ZKSCAN2: variants seen among roughly 807,000 people sequenced by gnomAD.
The protein encoded by ZKSCAN2 is zinc finger protein with KRAB and SCAN domains 2.
A neutral mutation model predicts 90.5 loss-of-function variants in ZKSCAN2; 38 were observed. The observed-to-expected ratio is 0.42, with a 90% CI of 0.32 to 0.55. The LOEUF (loss-of-function observed/expected upper bound fraction) is 0.55. Among genes scored for constraint, ZKSCAN2 ranks in the 20% least tolerant of loss-of-function variants. The probability of loss-of-function intolerance (pLI) is 0.11; values close to 1 mark genes in which losing one functional copy is unlikely to be tolerated. For missense variants in ZKSCAN2, 1,167 were observed against 1,202.6 expected (o/e 0.97, Z 0.44); for synonymous variants, 429 against 421.6 (o/e 1.02, Z -0.22).
At chr16:25,254,535 A>C (rs1963066716) in intron 2 of ZKSCAN2, among the ~76,000 whole-genome samples, 1 of 152,232 alleles carries the variant, frequency 6.6e-6, no homozygotes. Flanking sequence ...GTCAGCCAAG[A>C]GCACATACAC....
intron 2 of ZKSCAN2, among the ~76,000 whole-genome samples, chr16:25,254,163 T>C (rs1963061154): frequency 6.6e-6 from 1 of 152,250 alleles, no homozygotes; most frequent in African/African-American, 2.4e-5. Flanking sequence ...CCTCTGTGCA[T>C]TCATGCGTCT....
chr16:25,251,877 G>A, intron 4 of ZKSCAN2, 32 bp downstream of exon 4: 1 of 1,610,776 alleles, frequency 6.2e-7, no homozygotes, highest in South Asian at 1.1e-5. Flanking sequence ...AAAGCTCCAA[G>A]TCTTATATTT....
Position 25,247,079 on chromosome 16 carries a change from C to T in ZKSCAN2, c.1117G>A (p.Val373Met), listed in dbSNP as rs777968369. 1.9e-6 allele frequency: 3 copies of T among 1,614,122 alleles called. No homozygotes were observed. Among genetic ancestry groups the T allele is most frequent in the Middle Eastern group, 1.6e-4 (1 of 6,084 alleles). Residue 373 changes from valine (V) to methionine (M), a missense_variant, in exon 5 of 7, where the codon GTG becomes ATG. Physicochemically the swap from Val to Met is conservative, Grantham distance 21 (BLOSUM62 1). Transcript: ENST00000328086. ...AACCATTCAGCCACAGCACCATACACTTGGCTATTTCGGGGACAGGCCTGA... is the reference window on the plus strand; with the variant it reads ...AACCATTCAGCCACAGCACCATACATTTGGCTATTTCGGGGACAGGCCTGA... ...TLQACPRNSQ[V>M]YGAVAEWLRE...
rs1358985353 is a variant in ZKSCAN2 at position 25,240,482 on chromosome 16, T to A, written c.2238A>T (p.Arg746Ser). Residue 746 changes from arginine (R) to serine (S), a missense_variant, in exon 7 of 7, where the codon AGA (arginine) becomes AGT (serine). Coordinates refer to ENST00000328086, the MANE Select transcript of ZKSCAN2 (RefSeq NM_001012981.5). ...VVHQRPFVGK[R>S]PYRLLKYGES... ...CTCCATATTTGAGAAGTCTGTAGGGTCTCTTCCCCACAAAAGGCCTCTGAT... is the reference window on the plus strand; with the variant it reads ...CTCCATATTTGAGAAGTCTGTAGGGACTCTTCCCCACAAAAGGCCTCTGAT... 8.7e-6 allele frequency: 14 copies of A among 1,613,974 alleles called. No homozygotes were observed. Among genetic ancestry groups the A allele is most frequent in the South Asian group, 2.2e-5 (2 of 91,074 alleles).
chr16:25,250,246 T>C (rs1038623048), intron 4 of ZKSCAN2, among the ~76,000 whole-genome samples: 1 of 151,768 alleles, frequency 6.6e-6, no homozygotes, highest in Non-Finnish European at 1.5e-5. Context: ...GAGGCAGAGG[T>C]TGCAGCGAGC....
chr16:25,243,749 T>C, intron 6 of ZKSCAN2, 36 bp downstream of exon 6: 1 of 990,322 alleles, frequency 1.0e-6, no homozygotes. Context: ...CACTTATTCC[T>C]CTTTTGGACT....
Position 25,257,191 on chromosome 16 carries a change from G to A in ZKSCAN2, c.-64C>T, listed in dbSNP as rs577700725. The stretch of plus-strand genomic sequence containing the variant: ...TGGGGACCCAAAGAAGACTCCAAGC[G>A]CTCCCTGCTTAATGTTCCTGGGAGT... On this transcript the variant is annotated 5_prime_UTR_variant, in exon 1 of 7. Transcript: ENST00000328086. 7 of 1,520,750 alleles carry A rather than the reference G, an allele frequency of 4.6e-6. No homozygotes were observed. The East Asian group carries it at 1.4e-4, about 30-fold the overall frequency. The allele number at this position is 1,520,750 out of a possible 1,614,324, so 94.2% of individuals were successfully genotyped here.
At chr16:25,244,890 C>T (rs148440211) in intron 5 of ZKSCAN2, among the ~76,000 whole-genome samples, 114 of 152,288 alleles carry the variant, frequency 7.5e-4, no homozygotes, top group Middle Eastern at 3.4e-3. Flanking sequence ...CTTTTCAGGG[C>T]ATATCTAAAT....
chr16:25,252,848 G>A, intron 3 of ZKSCAN2, 98 bp downstream of exon 3: 1 of 958,298 alleles, frequency 1.0e-6, no homozygotes, highest in East Asian at 2.5e-5. Context: ...CCAGGAGGCA[G>A]AGGTGGTTGC....
rs759781177 is a variant in ZKSCAN2 at position 25,240,294 on chromosome 16, C to T, written c.2426G>A (p.Gly809Glu). Residue 809 changes from glycine (G) to glutamate (E), a missense_variant, in exon 7 of 7, where the codon GGA becomes GAA. Transcript: ENST00000328086. Reference protein sequence around the residue: ...GEKPFKCLDCGKSFNDSSNFG... With the variant: ...GEKPFKCLDCEKSFNDSSNFG... ...ATTTGAGGAGTCATTAAAGCTTTTT[C>T]CACAGTCAAGACATTTAAAAGGTTT... 1 of 1,614,056 alleles carries T rather than the reference C, an allele frequency of 6.2e-7. No individual in the cohort carries two copies. Among genetic ancestry groups the T allele is most frequent in the Non-Finnish European group, 8.5e-7 (1 of 1,180,026 alleles).
rs1962815954 is a variant in ZKSCAN2, at chr16:25,239,588, G to A, written c.*228C>T. The A allele has an allele frequency of 2.2e-6, 1 of 460,616 alleles. No homozygotes were observed. The highest frequency in any genetic ancestry group is 3.8e-6 in the Non-Finnish European group (1 of 261,180). The allele number at this position is 460,616 out of a possible 1,614,324, so 28.5% of individuals were successfully genotyped here. A position where few individuals can be genotyped will look rare whatever the true frequency, so the allele number is the denominator to read the frequency against. ...TGAAGGGTATTTCATTCTGAACTCG[G>A]ACAATGTATCTTCGCCACATTCTTA... On this transcript the variant is annotated 3_prime_UTR_variant, in exon 7 of 7. Transcript: ENST00000328086.
intron 5 of ZKSCAN2, chr16:25,246,224 G>A (rs1392447929): frequency 6.5e-6 from 1 of 154,222 alleles, no homozygotes; most frequent in East Asian, 1.9e-4. Context: ...CATCTATTTT[G>A]TATTCTTTTT....
chr16:25,252,406 G>T (rs1963034667), intron 3 of ZKSCAN2, among the ~76,000 whole-genome samples: 1 of 151,968 alleles, frequency 6.6e-6, no homozygotes, highest in African/African-American at 2.4e-5. Context: ...TTTAAGGTAA[G>T]TAAAGTAATT....
At chr16:25,252,907 G>C (rs761191397) in intron 3 of ZKSCAN2, 39 bp downstream of exon 3, 1 of 1,521,048 alleles carries the variant, frequency 6.6e-7, no homozygotes, top group Non-Finnish European at 9.1e-7. Flanking sequence ...GACAGAGTGA[G>C]ACTCCATCTC....
Position 25,257,683 on chromosome 16 carries a change from C to T in ZKSCAN2, c.-556G>A. On this transcript the variant is annotated 5_prime_UTR_variant, in exon 1 of 7. Transcript: ENST00000328086. ...GGCTCTTTCGGGCCCACGACGGCCC[C>T]GACCGTCCTGAGGAAACCGCTGCCG... 5.3e-6 allele frequency: 1 copy of T among 190,444 alleles called. No homozygotes were observed. Among genetic ancestry groups the T allele is most frequent in the Non-Finnish European group, 9.7e-6 (1 of 103,106 alleles). The allele number at this position is 190,444 out of a possible 1,614,324, so 11.8% of individuals were successfully genotyped here.
intron 1 of ZKSCAN2, 64 bp from the exon 2 acceptor site, chr16:25,255,456 C>T (rs1264515061): frequency 2.0e-6 from 3 of 1,499,756 alleles, no homozygotes; most frequent in East Asian, 4.7e-5. Context: ...CGAAATTCTC[C>T]CAGGAAAGAC....
chr16:25,256,798 C>T lies in ZKSCAN2; in HGVS notation c.330G>A (p.Pro110=), dbSNP rs138046617. The change falls in exon 1 of 7, where the codon CCG becomes CCA. Residue 110 remains proline (P), a synonymous_variant. Transcript: ENST00000328086. ...GGGCCACCGCTTCCTCTCCACTTTG[C>T]GGACACTGCTTCTGTGCCCAAGCCT... The part of the protein sequence containing the change: ...KIQAWAQKQC[P]QSGEEAVALV... 3.1e-6 allele frequency: 5 copies of T among 1,614,018 alleles called. No individual in the cohort carries two copies. Among genetic ancestry groups the T allele is most frequent in the East Asian group, 2.2e-5 (1 of 44,888 alleles).
At chr16:25,247,620 G>C (rs1274606266) in intron 4 of ZKSCAN2, among the ~76,000 whole-genome samples, 1 of 152,022 alleles carries the variant, frequency 6.6e-6, no homozygotes, top group African/African-American at 2.4e-5. Flanking sequence ...AGTTCTTACA[G>C]GAAAACCTTT....
chr16:25,243,761 A>AAACTCCTTGGTTTTGCACCAG, intron 6 of ZKSCAN2, 24 bp downstream of exon 6: 2 of 1,573,352 alleles, frequency 1.3e-6, no homozygotes, highest in Non-Finnish European at 1.7e-6. Flanking sequence ...TTTTGGACTA[A>AAACTCCTTGGTTTTGCACCAG]AACTCCTTGG....
Sources: allele counts gnomAD v4.1 joint callset (sites outside exome capture counted in the v4.1 genomes callset), GRCh38; gene constraint gnomAD v4.1.1; transcripts MANE v1.5; gene names NCBI Gene and HGNC (gene_info 2026-07-23, HGNC 2026-07-21).